Variants in AIG1 observed in about 807,000 individuals in gnomAD.
AIG1 encodes androgen induced 1, also known as androgen-induced gene 1 protein.
AIG1 carries 23 observed loss-of-function variants against 31.4 expected under a neutral mutation model. The ratio of observed to expected loss-of-function variants is 0.73; its 90% confidence interval spans 0.53 to 1.04. The LOEUF is 1.04. Among genes scored for constraint, AIG1 ranks in the 50% least tolerant of loss-of-function variants. The probability of loss-of-function intolerance (pLI) is 0.00; values close to 1 mark genes in which losing one functional copy is unlikely to be tolerated. For missense variants in AIG1, 274 were observed against 295.0 expected, an observed-to-expected ratio of 0.93 and a Z score of 0.52; for synonymous variants, 100 against 110.5, an observed-to-expected ratio of 0.90 and a Z score of 0.60.
Position 143,262,423 on chromosome 6 carries a change from A to G in AIG1, c.400-21687A>G, listed in dbSNP as rs543067436. ...CCTTACACTGATTCTGCAGCTGGAA[A>G]ACGAGAACTCCCCTGTATTATTTCA... On this transcript the variant is annotated intron_variant, in intron 3 of 5. Transcript: ENST00000357847. 2.6e-5 allele frequency among the ~76,000 whole-genome samples: 4 copies of G among 152,340 alleles called. No individual in the cohort carries two copies. In the East Asian group the frequency reaches 7.7e-4, roughly 29 times the overall value.
In AIG1 at chr6:143,333,585, C is replaced by A; in HGVS notation, c.679+140C>A. ...CCTATAAAGAGCTCCATTTTTAAAA[C>A]TACAATATGAATTTAAGAGCTGCTG... On this transcript the variant is annotated intron_variant, in intron 5 of 5. Transcript: ENST00000357847. The surrounding 1 kb of genome is among the most constrained non-coding windows in gnomAD (Gnocchi z 4.6). 1.2e-6 allele frequency: 1 copy of A among 809,442 alleles called. No individual in the cohort carries two copies. Among genetic ancestry groups the A allele is most frequent in the Non-Finnish European group, 1.8e-6 (1 of 565,750 alleles). 50.1% of individuals were successfully genotyped at this position (809,442 alleles called of 1,614,324 possible). A position where few individuals can be genotyped will look rare whatever the true frequency, so the allele number is the denominator to read the frequency against.
At position 143,192,608 on chromosome 6, in the gene AIG1, G is replaced by GAA. The variant is rs59209805; in HGVS notation, c.399+27438_399+27439dup. On this transcript the variant is annotated intron_variant, in intron 3 of 5. Transcript: ENST00000357847. ...GCAACAGAGCGAGACTCCATCTCAA[G>GAA]AAAAAAAAAAAAAAGCCTTATTTTT... is the stretch of plus-strand genomic sequence containing the variant. 2.2e-3 allele frequency among the ~76,000 whole-genome samples: 254 copies of GAA among 113,938 alleles called. 1 individual carries two copies. Among genetic ancestry groups the GAA allele is most frequent in the African/African-American group, 7.1e-3 (231 of 32,322 alleles). The allele number at this position is 113,938 out of a possible 152,430, so 74.7% of individuals were successfully genotyped here. A position where few individuals can be genotyped will look rare whatever the true frequency, so the allele number is the denominator to read the frequency against.
At chr6:143,070,844 A>G (rs1040127625) in intron 1 of AIG1, among the ~76,000 whole-genome samples, 7 of 152,236 alleles carry the variant, frequency 4.6e-5, no homozygotes, top group South Asian at 2.1e-4. Context: ...AGACAAAAAC[A>G]TTCAACGGCA....
In AIG1 at chr6:143,208,646, C is replaced by A. The variant is rs1218921896; in HGVS notation, c.399+43463C>A. Among the ~76,000 whole-genome samples, 5 of 152,110 alleles carry A rather than the reference C, an allele frequency of 3.3e-5. No homozygotes were observed. In the East Asian group the frequency reaches 9.6e-4, roughly 29 times the overall value. ...AGTGGCATCATAAAATCAAGCAACG[C>A]TGCAGAAATTAAAAATTAAACTTAC... is the stretch of plus-strand genomic sequence containing the variant. On this transcript the variant is annotated intron_variant, in intron 3 of 5. Coordinates refer to ENST00000357847, the MANE Select transcript of AIG1 (RefSeq NM_016108.4).
chr6:143,103,633 G>T (rs895553059), intron 1 of AIG1, among the ~76,000 whole-genome samples: 3 of 145,316 alleles, frequency 2.1e-5, no homozygotes, highest in Non-Finnish European at 4.5e-5. Context: ...TCAGCCTCCC[G>T]AGTAGCTGGG....
In AIG1 at chr6:143,330,513, G is replaced by A. The variant is rs1009792656; in HGVS notation, c.516-2769G>A. On this transcript the variant is annotated intron_variant, in intron 4 of 5. Coordinates refer to ENST00000357847, the MANE Select transcript of AIG1 (RefSeq NM_016108.4). The surrounding 1 kb of genome is among the most constrained non-coding windows in gnomAD (Gnocchi z 4.4). ...AACACCAAGGAGTTGATGGGCTGGA[G>A]TGGCGGGGAACGATGGGGAGAATAA... Among the ~76,000 whole-genome samples the A allele has an allele frequency of 5.3e-5, 8 of 152,080 alleles. No homozygotes were observed. Among genetic ancestry groups the A allele is most frequent in the Non-Finnish European group, 1.2e-4 (8 of 68,034 alleles).
rs527555225 is a variant in AIG1 at position 143,299,485 on chromosome 6, G to C, written c.515+15260G>C. On this transcript the variant is annotated intron_variant, in intron 4 of 5. Coordinates refer to ENST00000357847, the MANE Select transcript of AIG1 (RefSeq NM_016108.4). This position sits in a 1 kb window ranked among gnomAD's most constrained non-coding sequence, Gnocchi z 4.1. ...CAGTACACATAGCTGGGCTACTGAA[G>C]GTGTCAAACAGAGCCTGTTACAGGT... The C allele has an allele frequency of 1.3e-5, 2 of 152,280 alleles. No homozygotes were observed. The highest frequency in any genetic ancestry group is 3.9e-4 in the East Asian group (2 of 5,186). The allele number at this position is 152,280 out of a possible 1,614,324, so 9.4% of individuals were successfully genotyped here. A position where few individuals can be genotyped will look rare whatever the true frequency, so the allele number is the denominator to read the frequency against.
chr6:143,067,598 CTTATA>C (rs1340613112), intron 1 of AIG1, among the ~76,000 whole-genome samples: 1 of 152,068 alleles, frequency 6.6e-6, no homozygotes, highest in Non-Finnish European at 1.5e-5. Flanking sequence ...TTGAGTTAGT[CTTATA>C]TTTATTTACA....
intron 3 of AIG1, among the ~76,000 whole-genome samples, chr6:143,248,442 C>A (rs757260070): frequency 1.3e-5 from 2 of 152,158 alleles, no homozygotes; most frequent in African/African-American, 2.4e-5. Flanking sequence ...TAGCTTGTTG[C>A]TTTAAAGACT....
At chr6:143,243,485 A>G (rs994912144) in intron 3 of AIG1, among the ~76,000 whole-genome samples, 1 of 152,188 alleles carries the variant, frequency 6.6e-6, no homozygotes, top group Non-Finnish European at 1.5e-5. Context: ...TATTTTTTTC[A>G]TTGAATAGCC....
rs183517143 is a variant in AIG1 at position 143,309,516 on chromosome 6, A to C, written c.516-23766A>C. 5.4e-5 allele frequency among the ~76,000 whole-genome samples: 8 copies of C among 148,148 alleles called. No individual in the cohort carries two copies. The South Asian group carries it at 6.5e-4, about 12-fold the overall frequency. On this transcript the variant is annotated intron_variant, in intron 4 of 5. Coordinates refer to ENST00000357847, the MANE Select transcript of AIG1 (RefSeq NM_016108.4). The stretch of plus-strand genomic sequence containing the variant: ...AAGAATCAGAAGTATTGTAAGAGAG[A>C]AGAAAAAGCAGAATCATATAAAATA...
intron 1 of AIG1, among the ~76,000 whole-genome samples, chr6:143,067,192 G>T (rs1266979610): frequency 6.6e-6 from 1 of 152,006 alleles, no homozygotes; most frequent in Non-Finnish European, 1.5e-5. Context: ...AAAAACATTG[G>T]TTAGCATAGT....
chr6:143,317,501 T>C (rs1226835328), intron 4 of AIG1, among the ~76,000 whole-genome samples: 2 of 152,104 alleles, frequency 1.3e-5, no homozygotes, highest in African/African-American at 4.8e-5. Context: ...TGAAGGGGCA[T>C]ACCTTAATGT....
At position 143,299,002 on chromosome 6, in the gene AIG1, A is replaced by G. The variant is rs905162514; in HGVS notation, c.515+14777A>G. 16 of 152,264 alleles carry G rather than the reference A, an allele frequency of 1.1e-4. No individual in the cohort carries two copies. The highest frequency in any genetic ancestry group is 3.6e-4 in the African/African-American group (15 of 41,538). 9.4% of individuals were successfully genotyped at this position (152,264 alleles called of 1,614,324 possible). ...TGGGATGTGTTGTGTTGGCATATAGATCTTTTCTAATATAAGCATCACATC... is the reference window on the plus strand; with the variant it reads ...TGGGATGTGTTGTGTTGGCATATAGGTCTTTTCTAATATAAGCATCACATC... On this transcript the variant is annotated intron_variant, in intron 4 of 5. Coordinates refer to ENST00000357847, the MANE Select transcript of AIG1 (RefSeq NM_016108.4). The surrounding 1 kb of genome is among the most constrained non-coding windows in gnomAD (Gnocchi z 4.1).
At chr6:143,162,142 GAA>G (rs1354358087) in intron 2 of AIG1, among the ~76,000 whole-genome samples, 1 of 152,068 alleles carries the variant, frequency 6.6e-6, no homozygotes, top group Non-Finnish European at 1.5e-5. Context: ...TAACAAAAAA[GAA>G]TGTAAAAAAT....
intron 3 of AIG1, among the ~76,000 whole-genome samples, chr6:143,283,024 T>C (rs1282781714): frequency 6.6e-6 from 1 of 152,242 alleles, no homozygotes; most frequent in Admixed American, 6.5e-5. Flanking sequence ...GGGTCAGTTT[T>C]CAGTTCTGCC....
chr6:143,230,715 A>C (rs1014422176), intron 3 of AIG1, among the ~76,000 whole-genome samples: 2 of 152,040 alleles, frequency 1.3e-5, no homozygotes, highest in Non-Finnish European at 2.9e-5. Flanking sequence ...AAAATTAGTG[A>C]GTCAACCTAG....
At chr6:143,187,113 T>C (rs1284627040) in intron 3 of AIG1, among the ~76,000 whole-genome samples, 1 of 152,226 alleles carries the variant, frequency 6.6e-6, no homozygotes, top group African/African-American at 2.4e-5. Context: ...AGAAATATTG[T>C]ATTTTTATTA....
At chr6:143,184,453 T>A (rs1317187467) in intron 3 of AIG1, among the ~76,000 whole-genome samples, 1 of 152,326 alleles carries the variant, frequency 6.6e-6, no homozygotes, top group East Asian at 1.9e-4. Flanking sequence ...TAAACCAAAC[T>A]GACTGCTTAA....
Sources: allele counts gnomAD v4.1 joint callset (sites outside exome capture counted in the v4.1 genomes callset), GRCh38; gene constraint gnomAD v4.1.1; non-coding constraint Gnocchi (gnomAD v3.1); transcripts MANE v1.5; gene names NCBI Gene and HGNC (gene_info 2026-07-23, HGNC 2026-07-21).